EIF2AK3: variants seen among roughly 807,000 people sequenced by gnomAD.
The protein encoded by EIF2AK3 is eukaryotic translation initiation factor 2-alpha kinase 3.
In EIF2AK3, 50 loss-of-function variants were observed where a neutral mutation model predicts 113.5. The ratio of observed to expected loss-of-function variants is 0.44; its 90% CI spans 0.35 to 0.56. EIF2AK3 has a LOEUF of 0.56. Ranked by LOEUF, EIF2AK3 falls within the 20% of genes least tolerant of loss-of-function variation. The pLI is 0.00. For missense variants in EIF2AK3, 1,185 were observed against 1,378.0 expected (o/e 0.86, Z 2.22); for synonymous variants, 448 against 495.4 (o/e 0.90, Z 1.27).
At position 88,586,443 on chromosome 2, in the gene EIF2AK3, CA is replaced by C. The variant is rs1674734080; in HGVS notation, c.1430-383del. Among the ~76,000 whole-genome samples the C allele has an allele frequency of 4.6e-5, 7 of 152,118 alleles. No individual in the cohort carries two copies. The South Asian group carries it at 1.5e-3, about 32-fold the overall frequency. ...TCAATAAAATACCAAATTTTACCAC[CA>C]ATCATTCTTCACAAAATGAAAGGAA... On this transcript the variant is annotated intron_variant, in intron 8 of 16. Transcript: ENST00000303236.
Position 88,585,991 on chromosome 2 carries a change from G to C in EIF2AK3, c.1500C>G (p.Phe500Leu). ...NKRSTQITVR[F>L]LDNPHYNKNI... ...TCTTGTTGTAATGTGGGTTGTCGAG[G>C]AATCTGACTGTAATCTGTGTGCTTC... Residue 500 changes from phenylalanine to leucine, a missense_variant, in exon 9 of 17, where the codon TTC becomes TTG. Coordinates refer to ENST00000303236, the MANE Select transcript of EIF2AK3 (RefSeq NM_004836.7). 1 of 1,614,130 alleles carries C rather than the reference G, an allele frequency of 6.2e-7. No individual in the cohort carries two copies. The highest frequency in any genetic ancestry group is 1.1e-5 in the South Asian group (1 of 91,082).
intron 9 of EIF2AK3, 149 bp downstream of exon 9, chr2:88,585,692 A>T: frequency 1.4e-6 from 1 of 707,524 alleles, no homozygotes; most frequent in East Asian, 2.7e-5. Flanking sequence ...AAAAATGTCC[A>T]TTACATTTAA....
intron 12 of EIF2AK3, 145 bp downstream of exon 12, chr2:88,576,409 G>A: frequency 1.7e-6 from 2 of 1,180,706 alleles, no homozygotes; most frequent in Non-Finnish European, 2.3e-6. Flanking sequence ...TTTCACAAGT[G>A]GCTAGAGAAC....
rs1380818081 is a variant in EIF2AK3 at position 88,590,553 on chromosome 2, G to A, written c.1055C>T (p.Pro352Leu). ...ACTTGTATCATCAAAAAGACTGATG[G>A]GAATGACTTTCCCATCCTTAAGTAA... Reference protein sequence around the residue: ...AWLLKDGKVIPISLFDDTSYT... With the variant: ...AWLLKDGKVILISLFDDTSYT... The change falls in exon 6 of 17, where the codon CCC (proline) becomes CTC (leucine). Residue 352 changes from proline (P) to leucine (L), a missense_variant. Physicochemically the swap from Pro to Leu is moderately conservative, Grantham distance 98 (BLOSUM62 -3). Around this residue, in one of 3 missense-constraint regions of EIF2AK3, gnomAD observed 877 missense variants for 1,024.2 expected, o/e 0.86. Coordinates refer to ENST00000303236, the MANE Select transcript of EIF2AK3 (RefSeq NM_004836.7). 1.2e-6 allele frequency: 2 copies of A among 1,613,362 alleles called. No homozygotes were observed. Among genetic ancestry groups the A allele is most frequent in the Non-Finnish European group, 8.5e-7 (1 of 1,179,894 alleles).
At chr2:88,608,898 T>G (rs1432904455) in intron 2 of EIF2AK3, among the ~76,000 whole-genome samples, 7 of 134,238 alleles carry the variant, frequency 5.2e-5, no homozygotes, top group Non-Finnish European at 8.2e-5. Context: ...TTTTTTTTTT[T>G]GTATTTTGTA....
chr2:88,615,101 A>G (rs1675538423), intron 1 of EIF2AK3, among the ~76,000 whole-genome samples: 1 of 152,240 alleles, frequency 6.6e-6, no homozygotes, highest in Non-Finnish European at 1.5e-5. Context: ...AGGGAAAAAC[A>G]GGAGAAATCA....
At chr2:88,626,927 G>C (rs759934166) in intron 1 of EIF2AK3, 40 bp downstream of exon 1, 1 of 1,602,602 alleles carries the variant, frequency 6.2e-7, no homozygotes, top group Non-Finnish European at 8.5e-7. Context: ...CGGCTCGCGC[G>C]CGTAAACAAG....
chr2:88,615,515 C>T (rs1193947634), intron 1 of EIF2AK3, among the ~76,000 whole-genome samples: 1 of 152,174 alleles, frequency 6.6e-6, no homozygotes, highest in Admixed American at 6.5e-5. Context: ...CTTGCCCCTT[C>T]CACCATGTAG....
chr2:88,626,437 G>A (rs1573431419), intron 1 of EIF2AK3, among the ~76,000 whole-genome samples: 1 of 152,308 alleles, frequency 6.6e-6, no homozygotes, highest in Admixed American at 6.5e-5. Context: ...GAAAACTGTA[G>A]ATTTCACCAG....
intron 15 of EIF2AK3, among the ~76,000 whole-genome samples, chr2:88,560,132 T>G (rs1268732513): frequency 2.6e-5 from 4 of 152,140 alleles, no homozygotes; most frequent in African/African-American, 9.7e-5. Context: ...TTTTTTTTAA[T>G]TTTTTTATTA....
intron 10 of EIF2AK3, among the ~76,000 whole-genome samples, chr2:88,581,812 T>C (rs1394919872): frequency 6.6e-6 from 1 of 152,222 alleles, no homozygotes; most frequent in Non-Finnish European, 1.5e-5. Flanking sequence ...AATTGACTGT[T>C]TTTACCTGTT....
At position 88,557,726 on chromosome 2, in the gene EIF2AK3, CA is replaced by C; in HGVS notation, c.*9del. On this transcript the variant is annotated 3_prime_UTR_variant, in exon 17 of 17. Transcript: ENST00000303236. ...GCATCACCTATTAGGGTTGCTAGCA[CA>C]ACTTAAGGCTAATTGCTTGGCAAAG... 6.2e-7 allele frequency: 1 copy of C among 1,614,018 alleles called. No individual in the cohort carries two copies. Among genetic ancestry groups the C allele is most frequent in the Non-Finnish European group, 8.5e-7 (1 of 1,179,858 alleles).
chr2:88,592,483 G>C (rs749063549), intron 4 of EIF2AK3, among the ~76,000 whole-genome samples: 9 of 152,084 alleles, frequency 5.9e-5, no homozygotes, highest in Non-Finnish European at 1.3e-4. Context: ...ATATCATTAG[G>C]CCAGGCACCG....
chr2:88,605,064 A>T (rs1675235914), intron 2 of EIF2AK3, among the ~76,000 whole-genome samples: 1 of 152,226 alleles, frequency 6.6e-6, no homozygotes, highest in East Asian at 1.9e-4. Flanking sequence ...GTAAATGACT[A>T]AGAATAGATA....
At chr2:88,591,648 G>A (rs1036893211) in intron 4 of EIF2AK3, among the ~76,000 whole-genome samples, 1 of 152,074 alleles carries the variant, frequency 6.6e-6, no homozygotes, top group African/African-American at 2.4e-5. Flanking sequence ...ATCCTAAAGT[G>A]GCAGTAATAA....
chr2:88,565,434 A>G (rs1674088273), intron 14 of EIF2AK3, among the ~76,000 whole-genome samples: 1 of 150,832 alleles, frequency 6.6e-6, no homozygotes, highest in African/African-American at 2.4e-5. Context: ...TCCACCTCCC[A>G]GCCTCAAGCG....
At position 88,627,257 on chromosome 2, in the gene EIF2AK3, G is replaced by A. The variant is rs780496323; in HGVS notation, c.18C>T (p.Ser6=). 4.0e-6 allele frequency: 6 copies of A among 1,486,866 alleles called. No homozygotes were observed. In the South Asian group the frequency reaches 5.0e-5, roughly 12 times the overall value. The allele number at this position is 1,486,866 out of a possible 1,614,324, so 92.1% of individuals were successfully genotyped here. The change falls in exon 1 of 17, where the codon AGC becomes AGT. Residue 6 remains serine (S), a synonymous_variant. Transcript: ENST00000303236. ...GCAGCGCCCGTACCAGCAGCCCCGGGCTGATGGCGCGCTCCATCAGCGTCC... is the reference window on the plus strand; with the variant it reads ...GCAGCGCCCGTACCAGCAGCCCCGGACTGATGGCGCGCTCCATCAGCGTCC... The part of the protein sequence containing the change: MERAI[S]PGLLVRALLL...
At position 88,586,535 on chromosome 2, in the gene EIF2AK3, CT is replaced by C. The variant is rs562526175; in HGVS notation, c.1430-475del. Among the ~76,000 whole-genome samples, 643 of 146,890 alleles carry C rather than the reference CT, an allele frequency of 4.4e-3. 6 individuals carry two copies. Among genetic ancestry groups the C allele is most frequent in the African/African-American group, 0.015 (602 of 39,830 alleles). On this transcript the variant is annotated intron_variant, in intron 8 of 16. Transcript: ENST00000303236. ...AGTTTGTCCCAGAAAAATAGCTTGTCTTTTTTTGTCTTCTATTTTGTACTAC... is the reference window on the plus strand; with the variant it reads ...AGTTTGTCCCAGAAAAATAGCTTGTCTTTTTTGTCTTCTATTTTGTACTAC...
At chr2:88,598,287 G>A (rs1675067769) in intron 2 of EIF2AK3, among the ~76,000 whole-genome samples, 1 of 152,164 alleles carries the variant, frequency 6.6e-6, no homozygotes, top group Admixed American at 6.6e-5. Flanking sequence ...GCTAAACTGA[G>A]GTGGAAACTT....
Sources: allele counts gnomAD v4.1 joint callset (sites outside exome capture counted in the v4.1 genomes callset), GRCh38; gene constraint gnomAD v4.1.1; regional missense constraint gnomAD v4.1.1; transcripts MANE v1.5; gene names NCBI Gene and HGNC (gene_info 2026-07-23, HGNC 2026-07-21).